Variants in CEP76 observed in about 807,000 individuals in gnomAD.
CEP76 encodes centrosomal protein of 76 kDa.
In CEP76, 55 loss-of-function variants were observed where a neutral mutation model predicts 83.3. The ratio of observed to expected loss-of-function variants is 0.66; its 90% CI spans 0.53 to 0.83. The LOEUF is 0.83. Ranked by LOEUF, CEP76 falls within the 40% of genes least tolerant of loss-of-function variation. CEP76 has a pLI of 0.00. For missense variants in CEP76, 694 were observed against 799.5 expected (o/e 0.87, Z 1.59); for synonymous variants, 270 against 274.5 (o/e 0.98, Z 0.16).
intron 12 of CEP76, among the ~76,000 whole-genome samples, chr18:12,667,225 C>CT (rs1461466027): frequency 6.6e-6 from 1 of 152,136 alleles, no homozygotes; most frequent in African/African-American, 2.4e-5. Flanking sequence ...CTTTGGGAGG[C>CT]TGAGTGAGGA....
intron 6 of CEP76, among the ~76,000 whole-genome samples, chr18:12,693,781 G>GA (rs879616889): frequency 5.9e-5 from 9 of 151,894 alleles, no homozygotes; most frequent in Admixed American, 1.3e-4. Context: ...GACTCTGTCT[G>GA]AAAAAAACAA....
chr18:12,697,788 C>T (rs1167626224), intron 4 of CEP76, among the ~76,000 whole-genome samples: 1 of 152,130 alleles, frequency 6.6e-6, no homozygotes, highest in Non-Finnish European at 1.5e-5. Flanking sequence ...GAAATTATCA[C>T]TGTATAATTG....
At chr18:12,679,575 C>T (rs1337049612) in intron 9 of CEP76, among the ~76,000 whole-genome samples, 1 of 152,156 alleles carries the variant, frequency 6.6e-6, no homozygotes, top group Admixed American at 6.6e-5. Flanking sequence ...GGACTCAGCT[C>T]TTAGCTGAAC....
At chr18:12,674,511 AAT>A in intron 11 of CEP76, 23 bp downstream of exon 11, 1 of 1,584,394 alleles carries the variant, frequency 6.3e-7, no homozygotes. Flanking sequence ...AAACTGAAAA[AAT>A]GATTCCGTAA....
chr18:12,675,930 A>G (rs1010437464), intron 10 of CEP76, among the ~76,000 whole-genome samples: 1 of 152,106 alleles, frequency 6.6e-6, no homozygotes, highest in African/African-American at 2.4e-5. Flanking sequence ...CGGCCTCCCA[A>G]AGTGCTGGGA....
chr18:12,693,448 C>G (rs1430118645), intron 6 of CEP76, among the ~76,000 whole-genome samples: 6 of 151,766 alleles, frequency 4.0e-5, no homozygotes, highest in Non-Finnish European at 7.4e-5. Flanking sequence ...TTAAAAAAAA[C>G]AAGCTACTAC....
chr18:12,691,707 G>GC (rs1193238813), intron 6 of CEP76, among the ~76,000 whole-genome samples: 8 of 139,140 alleles, frequency 5.7e-5, no homozygotes, highest in Non-Finnish European at 1.3e-4. Context: ...CTCAAAGACA[G>GC]AATTTTTTTT....
In CEP76 at chr18:12,702,684, G is replaced by A; in HGVS notation, c.-136C>T. On this transcript the variant is annotated 5_prime_UTR_variant, in exon 1 of 12. Transcript: ENST00000262127. ...CCGTTCGCCTAGCGCAGCTCCCGGG[G>A]GACGCAACGCCGCGTCAGGCCGGGG... 1.0e-6 allele frequency: 1 copy of A among 957,432 alleles called. No individual in the cohort carries two copies. Among genetic ancestry groups the A allele is most frequent in the Non-Finnish European group, 1.5e-6 (1 of 672,534 alleles). The allele number at this position is 957,432 out of a possible 1,614,324, so 59.3% of individuals were successfully genotyped here.
At chr18:12,662,031 G>C in exon 13 of CEP76, 1 of 269,260 alleles carries the variant, frequency 3.7e-6, no homozygotes, top group South Asian at 3.2e-5. Context: ...TCTTATTCTT[G>C]TAGAATAAGT....
chr18:12,672,371 C>T (rs2038970751), downstream of CEP76, among the ~76,000 whole-genome samples: 1 of 152,180 alleles, frequency 6.6e-6, no homozygotes, highest in Admixed American at 6.5e-5. Context: ...CCACCTCGGC[C>T]TCCCAAAGTG....
intron 5 of CEP76, among the ~76,000 whole-genome samples, chr18:12,696,095 G>C (rs1183794955): frequency 2.0e-5 from 3 of 152,034 alleles, no homozygotes; most frequent in South Asian, 2.1e-4. Context: ...TATCATGTTA[G>C]GCCTATTTTT....
Position 12,702,497 on chromosome 18 carries a change from G to A in CEP76, c.52C>T (p.Gln18Ter). The A allele has an allele frequency of 6.2e-7, 1 of 1,609,682 alleles. No individual in the cohort carries two copies. Among genetic ancestry groups the A allele is most frequent in the Non-Finnish European group, 8.5e-7 (1 of 1,178,324 alleles). Residue 18 changes from glutamine (Q) to a stop codon, truncating the protein, a stop_gained, in exon 1 of 12, where the codon CAG becomes TAG. Coordinates refer to ENST00000262127, the MANE Select transcript of CEP76 (RefSeq NM_024899.4). LOFTEE classifies it high-confidence loss of function. ...CCCGCGACTCTCACCTTGCTCAGCTGCTGGTGGATGAGCTGCTTCAGCTCG... is the reference window on the plus strand; with the variant it reads ...CCCGCGACTCTCACCTTGCTCAGCTACTGGTGGATGAGCTGCTTCAGCTCG... Reference protein sequence around the residue: ...ASELKQLIHQQLSKMDVHGRI... With the variant: ...ASELKQLIHQ
At chr18:12,681,252 GAAC>G (rs1225231587) in intron 8 of CEP76, among the ~76,000 whole-genome samples, 7 of 133,334 alleles carry the variant, frequency 5.2e-5, no homozygotes, top group Non-Finnish European at 1.1e-4. Flanking sequence ...AAGAAAAGTA[GAAC>G]ATTTTTTTTT....
chr18:12,672,797 T>G lies in CEP76; in HGVS notation c.*568A>C. The G allele has an allele frequency of 1.0e-6, 1 of 982,894 alleles. No individual in the cohort carries two copies. Among genetic ancestry groups the G allele is most frequent in the Non-Finnish European group, 1.2e-6 (1 of 827,502 alleles). 60.9% of individuals were successfully genotyped at this position (982,894 alleles called of 1,614,324 possible). ...ATATTTATGCTTTTCTGGTATTAGT[T>G]TTTTCCTACTCTTGCTTCAAGGTCC... On this transcript the variant is annotated 3_prime_UTR_variant, in exon 12 of 12. Transcript: ENST00000262127.
At chr18:12,688,115 C>T (rs747224633) in intron 7 of CEP76, among the ~76,000 whole-genome samples, 14 of 151,208 alleles carry the variant, frequency 9.3e-5, no homozygotes, top group Non-Finnish European at 2.1e-4. Flanking sequence ...CATGTGGTCC[C>T]AGCAACTTAG....
rs182679701 is a variant in CEP76, at chr18:12,701,794, C to T, written c.64-681G>A. 2.6e-3 allele frequency among the ~76,000 whole-genome samples: 392 copies of T among 152,312 alleles called. 1 individual carries two copies. Among genetic ancestry groups the T allele is most frequent in the African/African-American group, 9.1e-3 (377 of 41,570 alleles). On this transcript the variant is annotated intron_variant, in intron 1 of 11. Coordinates refer to ENST00000262127, the MANE Select transcript of CEP76 (RefSeq NM_024899.4). ...ATTTGAGAATTGCTGATTGAAGCTCCTGGTTCAACTTCGCTGATACCCACA... is the reference window on the plus strand; with the variant it reads ...ATTTGAGAATTGCTGATTGAAGCTCTTGGTTCAACTTCGCTGATACCCACA...
chr18:12,695,591 A>G (rs893597719), intron 5 of CEP76, among the ~76,000 whole-genome samples: 3 of 151,936 alleles, frequency 2.0e-5, no homozygotes, highest in Non-Finnish European at 4.4e-5. Flanking sequence ...TTCTTCTTTA[A>G]GTAGAGATGG....
At position 12,699,915 on chromosome 18, in the gene CEP76, C is replaced by G. The variant is rs1210759495; in HGVS notation, c.220-10G>C. 1.3e-6 allele frequency: 2 copies of G among 1,534,556 alleles called. No homozygotes were observed. Among genetic ancestry groups the G allele is most frequent in the African/African-American group, 1.4e-5 (1 of 70,978 alleles). On this transcript the variant is annotated splice_polypyrimidine_tract_variant and intron_variant, in intron 2 of 11. Transcript: ENST00000262127. ...CTTGCTCAACACTGTCCTAGAAAGG[C>G]AGGAAAAAAAAATCAAAACAAATTA...
intron 2 of CEP76, 188 bp from the exon 3 acceptor site, chr18:12,700,093 A>G (rs2542173): frequency 0.99 from 396,301 of 398,998 alleles, 196,858 homozygotes; most frequent in East Asian, 1. Flanking sequence ...ATGTAAACTG[A>G]TCACTCCTAA....
Sources: allele counts gnomAD v4.1 joint callset (sites outside exome capture counted in the v4.1 genomes callset), GRCh38; gene constraint gnomAD v4.1.1; transcripts MANE v1.5; gene names NCBI Gene and HGNC (gene_info 2026-07-23, HGNC 2026-07-21).